VGLL4: variants seen among roughly 807,000 people sequenced by gnomAD.
VGLL4 encodes transcription cofactor vestigial-like protein 4.
In VGLL4, 7 loss-of-function variants were observed where a neutral mutation model predicts 21.0. The observed-to-expected ratio is 0.33, with a 90% CI of 0.19 to 0.63. The LOEUF (loss-of-function observed/expected upper bound fraction) is 0.63. Among genes scored for constraint, VGLL4 ranks in the 20% least tolerant of loss-of-function variants. The probability of loss-of-function intolerance (pLI) is 0.78; values close to 1 mark genes in which losing one functional copy is unlikely to be tolerated. For synonymous variants in VGLL4, 222 were observed against 173.2 expected (o/e 1.28, Z -2.21); for missense variants, 394 against 425.7 (o/e 0.93, Z 0.66).
intron 1 of VGLL4, among the ~76,000 whole-genome samples, chr3:11,613,227 C>T (rs2075096749): frequency 6.6e-6 from 1 of 152,198 alleles, no homozygotes; most frequent in African/African-American, 2.4e-5. Flanking sequence ...TCTGCAAGCC[C>T]TGTACCATGT....
At chr3:11,715,279 A>G (rs919562493) in intron 1 of VGLL4, among the ~76,000 whole-genome samples, 1 of 152,202 alleles carries the variant, frequency 6.6e-6, no homozygotes, top group South Asian at 2.1e-4. Flanking sequence ...CTAATTAATG[A>G]CACAGTGCAA....
intron 2 of VGLL4, among the ~76,000 whole-genome samples, chr3:11,596,585 A>G (rs774104676): frequency 2.6e-5 from 4 of 152,150 alleles, no homozygotes; most frequent in Non-Finnish European, 5.9e-5. Flanking sequence ...CCAGGAACTC[A>G]TTATCTCCTA....
At chr3:11,569,796 AC>A (rs1481882920) in intron 2 of VGLL4, among the ~76,000 whole-genome samples, 2 of 152,166 alleles carry the variant, frequency 1.3e-5, no homozygotes, top group African/African-American at 2.4e-5. Flanking sequence ...TGGGAGGATC[AC>A]CTGGGCCCAG....
intron 1 of VGLL4, chr3:11,610,342 T>C (rs2125283290): frequency 6.6e-6 from 1 of 152,364 alleles, no homozygotes; most frequent in South Asian, 2.1e-4. Flanking sequence ...ATTGTTCAAC[T>C]TGTGGCTAGC....
intron 2 of VGLL4, among the ~76,000 whole-genome samples, chr3:11,597,973 CT>C (rs1235705244): frequency 6.6e-6 from 1 of 152,158 alleles, no homozygotes; most frequent in South Asian, 2.1e-4. Context: ...GGAAACCTCT[CT>C]TTTTTTCCCC....
intron 2 of VGLL4, among the ~76,000 whole-genome samples, chr3:11,578,406 C>CTGAA (rs1028990430): frequency 3.3e-5 from 5 of 152,170 alleles, no homozygotes; most frequent in Non-Finnish European, 7.3e-5. Context: ...TCACAACTGC[C>CTGAA]TGAATGCCAG....
intron 2 of VGLL4, among the ~76,000 whole-genome samples, chr3:11,694,627 A>T (rs1047207100): frequency 3.3e-5 from 5 of 152,152 alleles, no homozygotes; most frequent in Admixed American, 3.3e-4. Context: ...CTCAAAAAAA[A>T]AAAAGAAAAA....
At chr3:11,645,094 G>C (rs748578551), upstream of VGLL4, among the ~76,000 whole-genome samples, 7 of 150,870 alleles carry the variant, frequency 4.6e-5, no homozygotes, top group Non-Finnish European at 1.0e-4. Context: ...CCAGTGCCTA[G>C]CACAACCAAG....
rs902543002 is a variant in VGLL4, at chr3:11,568,348, G to A, written c.273-3329C>T. 6.6e-6 allele frequency among the ~76,000 whole-genome samples: 1 copy of A among 152,206 alleles called. No homozygotes were observed. Among genetic ancestry groups the A allele is most frequent in the African/African-American group, 2.4e-5 (1 of 41,466 alleles). On this transcript the variant is annotated intron_variant, in intron 2 of 4. Transcript: ENST00000430365. This position sits in a 1 kb window ranked among gnomAD's most constrained non-coding sequence, Gnocchi z 5.9. ...CATCACAGAGGAAAGGGGTGCCAGG[G>A]CCGCCAGCTGCCAGGGCAGAGGTAA...
chr3:11,619,602 G>A (rs1044372979), intron 1 of VGLL4, among the ~76,000 whole-genome samples: 3 of 152,138 alleles, frequency 2.0e-5, no homozygotes, highest in Non-Finnish European at 2.9e-5. Flanking sequence ...GCGGAAGGGC[G>A]GTCAAACTTG....
At chr3:11,663,138 A>G (rs1031229314) in intron 2 of VGLL4, among the ~76,000 whole-genome samples, 3 of 152,208 alleles carry the variant, frequency 2.0e-5, no homozygotes, top group Admixed American at 2.0e-4. Flanking sequence ...AGAGTTTTTC[A>G]AAGTAGAAAG....
intron 2 of VGLL4, among the ~76,000 whole-genome samples, chr3:11,698,049 A>G (rs984509170): frequency 6.6e-6 from 1 of 152,222 alleles, no homozygotes; most frequent in Non-Finnish European, 1.5e-5. Context: ...AGCGGATGCA[A>G]TTAGATCTTA....
intron 2 of VGLL4, among the ~76,000 whole-genome samples, chr3:11,567,637 G>A (rs2073597696): frequency 6.6e-6 from 1 of 152,174 alleles, no homozygotes; most frequent in Admixed American, 6.5e-5. Flanking sequence ...TTTCTGCAAT[G>A]AATGCCTCAA....
chr3:11,712,586 T>C (rs949489752), intron 1 of VGLL4, among the ~76,000 whole-genome samples: 15 of 152,024 alleles, frequency 9.9e-5, no homozygotes, highest in African/African-American at 3.6e-4. Flanking sequence ...AAAAGAAAAA[T>C]TGAGGCACCA....
intron 1 of VGLL4, among the ~76,000 whole-genome samples, chr3:11,637,444 G>C (rs1559915842): frequency 6.6e-6 from 1 of 152,114 alleles, no homozygotes; most frequent in Non-Finnish European, 1.5e-5. Context: ...CATGTTTACA[G>C]ACTTCTTTGC....
At position 11,678,076 on chromosome 3, in the gene VGLL4, T is replaced by TAG. The variant is rs534620388; in HGVS notation, c.64+24893_64+24894dup. On this transcript the variant is annotated intron_variant, in intron 2 of 5. Transcript: ENST00000273038. ...AGTTTGCTTTTTGTTTTTGAGGCAA[T>TAG]AGAGTCTCACTCTGTCGCCCAGGCT... is the stretch of plus-strand genomic sequence containing the variant. 2.9e-3 allele frequency among the ~76,000 whole-genome samples: 448 copies of TAG among 151,904 alleles called. 1 individual carries two copies. The highest frequency in any genetic ancestry group is 5.2e-3 in the Non-Finnish European group (351 of 67,932).
chr3:11,562,566 G>T (rs2073117933), intron 3 of VGLL4, among the ~76,000 whole-genome samples: 1 of 152,248 alleles, frequency 6.6e-6, no homozygotes, highest in African/African-American at 2.4e-5. Flanking sequence ...CCTCGGAGCT[G>T]CTGGAGCACA....
At chr3:11,675,990 T>C (rs1160133799) in intron 2 of VGLL4, among the ~76,000 whole-genome samples, 2 of 152,234 alleles carry the variant, frequency 1.3e-5, no homozygotes, top group African/African-American at 2.4e-5. Flanking sequence ...TGTTTTATTC[T>C]TTACTCTCAC....
intron 2 of VGLL4, among the ~76,000 whole-genome samples, chr3:11,694,331 A>G (rs1376195538): frequency 6.6e-6 from 1 of 152,094 alleles, no homozygotes; most frequent in Non-Finnish European, 1.5e-5. Context: ...TGGTCTAATG[A>G]AAAAAGGGGT....
Sources: allele counts gnomAD v4.1 joint callset (sites outside exome capture counted in the v4.1 genomes callset), GRCh38; gene constraint gnomAD v4.1.1; non-coding constraint Gnocchi (gnomAD v3.1); transcripts MANE v1.5; gene names NCBI Gene and HGNC (gene_info 2026-07-23, HGNC 2026-07-21).